The following SLCO3A1 variants were observed in gnomAD, a reference collection of about 807,000 sequenced individuals.
SLCO3A1 encodes solute carrier organic anion transporter family member 3A1.
SLCO3A1 carries 27 observed loss-of-function variants against 63.1 expected under a neutral mutation model. That is an observed-to-expected ratio of 0.43 (90% CI 0.32 to 0.59). The LOEUF (loss-of-function observed/expected upper bound fraction) is 0.59, where lower values mean the gene tolerates loss of function less well. Among genes scored for constraint, SLCO3A1 ranks in the 20% least tolerant of loss-of-function variants. The probability of loss-of-function intolerance (pLI) is 0.09; values close to 1 mark genes in which losing one functional copy is unlikely to be tolerated. For missense variants in SLCO3A1, 773 were observed against 945.8 expected (o/e 0.82, Z 2.40); for synonymous variants, 473 against 409.9 (o/e 1.15, Z -1.86).
intron 7 of SLCO3A1, among the ~76,000 whole-genome samples, chr15:92,145,574 C>T (rs1421588551): frequency 6.6e-6 from 1 of 151,900 alleles, no homozygotes; most frequent in Non-Finnish European, 1.5e-5. Flanking sequence ...CCCTGCAGGA[C>T]TTGGAAGGAG....
At chr15:92,026,621 G>A (rs2046576975) in intron 2 of SLCO3A1, among the ~76,000 whole-genome samples, 1 of 152,158 alleles carries the variant, frequency 6.6e-6, no homozygotes, top group Non-Finnish European at 1.5e-5. Flanking sequence ...TTTGATGTGA[G>A]TTCATAGGTC....
At chr15:91,918,403 T>A (rs748806636) in intron 2 of SLCO3A1, among the ~76,000 whole-genome samples, 29 of 152,346 alleles carry the variant, frequency 1.9e-4, no homozygotes, top group Non-Finnish European at 3.2e-4. Flanking sequence ...TACGAACATC[T>A]TGGTGGCTCT....
At chr15:91,909,932 C>T (rs1439966815) in intron 1 of SLCO3A1, among the ~76,000 whole-genome samples, 1 of 152,206 alleles carries the variant, frequency 6.6e-6, no homozygotes, top group African/African-American at 2.4e-5. Flanking sequence ...AAACAGCTGC[C>T]CCGGCCGTCT....
chr15:91,952,897 G>A (rs987814082), intron 2 of SLCO3A1, among the ~76,000 whole-genome samples: 1 of 152,178 alleles, frequency 6.6e-6, no homozygotes, highest in African/African-American at 2.4e-5. Flanking sequence ...AAGAGGGGAT[G>A]TAATGTAGTG....
rs551062173 is a variant in SLCO3A1, at chr15:91,966,219, G to C, written c.646+49761G>C. On this transcript the variant is annotated intron_variant, in intron 2 of 9. Coordinates refer to ENST00000318445, the MANE Select transcript of SLCO3A1 (RefSeq NM_013272.4). ...CAGCCACACCATAACTGCACCCGTA[G>C]CTCAGATGAGGTCAGGACATTTTTG... Among the ~76,000 whole-genome samples the C allele has an allele frequency of 1.5e-4, 23 of 152,306 alleles. 1 individual carries two copies. The South Asian group carries it at 4.8e-3, about 32-fold the overall frequency.
At chr15:91,959,723 C>CA (rs34759500) in intron 2 of SLCO3A1, among the ~76,000 whole-genome samples, 3,714 of 71,626 alleles carry the variant, frequency 0.052, 145 homozygotes, top group Middle Eastern at 0.082. Context: ...GACTCCATCT[C>CA]AAAAAAAAAA....
In SLCO3A1 at chr15:91,882,652, C is replaced by T. The variant is rs1897619904; in HGVS notation, c.180+28564C>T. ...GCTTCAGCCTCCCGAGTAGCTGGGACCACAGGCGTATGCACCACCACCACG... is the reference window on the plus strand; with the variant it reads ...GCTTCAGCCTCCCGAGTAGCTGGGATCACAGGCGTATGCACCACCACCACG... On this transcript the variant is annotated intron_variant, in intron 1 of 9. Transcript: ENST00000318445. This position sits in a 1 kb window ranked among gnomAD's most constrained non-coding sequence, Gnocchi z 4.4. Among the ~76,000 whole-genome samples, 1 of 152,086 alleles carries T rather than the reference C, an allele frequency of 6.6e-6. No homozygotes were observed. The highest frequency in any genetic ancestry group is 1.5e-5 in the Non-Finnish European group (1 of 68,016).
chr15:92,010,829 C>G (rs2046360905), intron 2 of SLCO3A1, among the ~76,000 whole-genome samples: 2 of 152,178 alleles, frequency 1.3e-5, no homozygotes, highest in African/African-American at 4.8e-5. Context: ...TCACAACTGT[C>G]TCTATGATCC....
rs16946175 is a variant in SLCO3A1, at chr15:91,968,285, T to C, written c.646+51827T>C. On this transcript the variant is annotated intron_variant, in intron 2 of 9. Transcript: ENST00000318445. The surrounding 1 kb of genome is among the most constrained non-coding windows in gnomAD (Gnocchi z 4.2). ...TTCTCCACCTGGGGAAAACAGCAGATGGAGGAGAGGAAAGAGAAGTTTAGC... is the reference window on the plus strand; with the variant it reads ...TTCTCCACCTGGGGAAAACAGCAGACGGAGGAGAGGAAAGAGAAGTTTAGC... Among the ~76,000 whole-genome samples the C allele has an allele frequency of 0.098, 14,923 of 152,044 alleles. 871 individuals carry two copies. The highest frequency in any genetic ancestry group is 0.15 in the African/African-American group (6,174 of 41,472).
intron 1 of SLCO3A1, among the ~76,000 whole-genome samples, chr15:91,893,900 A>C (rs1245304677): frequency 1.3e-5 from 2 of 152,322 alleles, no homozygotes; most frequent in East Asian, 3.9e-4. Context: ...CAGGTAGGGA[A>C]CAGATGATTG....
intron 4 of SLCO3A1, among the ~76,000 whole-genome samples, chr15:92,114,201 A>G (rs2047764253): frequency 2.0e-5 from 3 of 152,196 alleles, no homozygotes; most frequent in South Asian, 2.1e-4. Context: ...TTCCACCCAG[A>G]CAGTGAACCT....
intron 2 of SLCO3A1, among the ~76,000 whole-genome samples, chr15:91,999,697 CAGG>C (rs2046230837): frequency 6.6e-6 from 1 of 152,182 alleles, no homozygotes; most frequent in Non-Finnish European, 1.5e-5. Flanking sequence ...GAGGCCGAGG[CAGG>C]AGGATTGCTT....
chr15:91,977,835 G>A (rs1028927411), intron 2 of SLCO3A1, among the ~76,000 whole-genome samples: 6 of 152,156 alleles, frequency 3.9e-5, no homozygotes, highest in African/African-American at 1.4e-4. Flanking sequence ...AACCTTATTA[G>A]AAATACTTTT....
rs186902194 is a variant in SLCO3A1, at chr15:91,991,750, C to G, written c.646+75292C>G. ...ATGCTTTACAAAACTAAACGCACATCTCAATTTAGACTAGCCGCATATGAC... is the reference window on the plus strand; with the variant it reads ...ATGCTTTACAAAACTAAACGCACATGTCAATTTAGACTAGCCGCATATGAC... On this transcript the variant is annotated intron_variant, in intron 2 of 9. Coordinates refer to ENST00000318445, the MANE Select transcript of SLCO3A1 (RefSeq NM_013272.4). Among the ~76,000 whole-genome samples, 153 of 152,344 alleles carry G rather than the reference C, an allele frequency of 1.0e-3. 1 individual carries two copies. The highest frequency in any genetic ancestry group is 5.8e-4 in the East Asian group (3 of 5,186).
At chr15:91,963,420 GC>G (rs1567041169) in intron 2 of SLCO3A1, among the ~76,000 whole-genome samples, 1 of 118,588 alleles carries the variant, frequency 8.4e-6, no homozygotes. Context: ...GGGGGGGGGG[GC>G]GGCAGCAGCC....
chr15:91,968,824 T>C lies in SLCO3A1; in HGVS notation c.646+52366T>C, dbSNP rs1246501375. 6.6e-6 allele frequency among the ~76,000 whole-genome samples: 1 copy of C among 152,200 alleles called. No individual in the cohort carries two copies. The highest frequency in any genetic ancestry group is 1.5e-5 in the Non-Finnish European group (1 of 68,038). On this transcript the variant is annotated intron_variant, in intron 2 of 9. Coordinates refer to ENST00000318445, the MANE Select transcript of SLCO3A1 (RefSeq NM_013272.4). The surrounding 1 kb of genome is among the most constrained non-coding windows in gnomAD (Gnocchi z 4.2). Reference sequence around the variant, plus strand: ...GTGGTTACCCTTAGGGTGGCGCTGTTTATTGGCGCCTTTTTGCTTGGCACA... The same window carrying C: ...GTGGTTACCCTTAGGGTGGCGCTGTCTATTGGCGCCTTTTTGCTTGGCACA...
At chr15:92,018,464 C>T (rs2046466152) in intron 2 of SLCO3A1, among the ~76,000 whole-genome samples, 1 of 152,188 alleles carries the variant, frequency 6.6e-6, no homozygotes, top group African/African-American at 2.4e-5. Flanking sequence ...ACCAGCATCT[C>T]TCATGGCATC....
In SLCO3A1 at chr15:92,165,338, C is replaced by G; in HGVS notation, c.*2203C>G. ...AACCACTTCATAAAATATGTATGTT[C>G]TGTTGTTCCTAAGGCTTTGATAATA... On this transcript the variant is annotated 3_prime_UTR_variant, in exon 10 of 10. Transcript: ENST00000318445. 8.1e-6 allele frequency: 8 copies of G among 985,100 alleles called. No homozygotes were observed. Among genetic ancestry groups the G allele is most frequent in the Non-Finnish European group, 9.6e-6 (8 of 829,656 alleles). 61.0% of individuals were successfully genotyped at this position (985,100 alleles called of 1,614,324 possible).
chr15:91,966,509 C>G (rs1419955361), intron 2 of SLCO3A1, among the ~76,000 whole-genome samples: 1 of 152,098 alleles, frequency 6.6e-6, no homozygotes, highest in Non-Finnish European at 1.5e-5. Context: ...CAGAAAAATC[C>G]CTGTTAGAAC....
Sources: allele counts gnomAD v4.1 joint callset (sites outside exome capture counted in the v4.1 genomes callset), GRCh38; gene constraint gnomAD v4.1.1; non-coding constraint Gnocchi (gnomAD v3.1); transcripts MANE v1.5; gene names NCBI Gene and HGNC (gene_info 2026-07-23, HGNC 2026-07-21).